The following ZNF600 variants were observed in gnomAD, a reference collection of about 807,000 sequenced individuals.
ZNF600 encodes the protein zinc finger protein 600, also known as zinc finger protein KR-ZNF1.
ZNF600 carries 4 observed loss-of-function variants against 7.3 expected under a neutral mutation model. That is an observed-to-expected ratio of 0.55 (90% CI 0.27 to 1.25). The LOEUF (loss-of-function observed/expected upper bound fraction) is 1.25, where lower values mean the gene tolerates loss of function less well. ZNF600 is among the 50% of genes most tolerant of loss of function. ZNF600 has a pLI of 0.12. For missense variants in ZNF600, 911 were observed against 922.1 expected (o/e 0.99, Z 0.16); for synonymous variants, 290 against 308.9 (o/e 0.94, Z 0.64).
the ZNF600 span, among the ~76,000 whole-genome samples, chr19:52,819,666 C>A: frequency 7.2e-6 from 1 of 139,290 alleles, no homozygotes; most frequent in Non-Finnish European, 1.5e-5. Flanking sequence ...TGCCTGAATT[C>A]TTACATGGGG....
chr19:52,802,092 A>G, the ZNF600 span, among the ~76,000 whole-genome samples: 1 of 152,264 alleles, frequency 6.6e-6, no homozygotes, highest in African/African-American at 2.4e-5. Context: ...TAAATGCTAA[A>G]GAACCACACA....
chr19:52,802,107 A>T, the ZNF600 span, among the ~76,000 whole-genome samples: 2 of 152,386 alleles, frequency 1.3e-5, no homozygotes, highest in East Asian at 3.9e-4. Context: ...CACACAATAT[A>T]CTATATTGGT....
exon 4 of ZNF600, chr19:52,766,461 T>C (rs1341192225): frequency 1.2e-6 from 2 of 1,614,088 alleles, no homozygotes; most frequent in South Asian, 1.1e-5. Context: ...AATTGACTTA[T>C]GAATTAGAAG....
the ZNF600 span, among the ~76,000 whole-genome samples, chr19:52,793,769 CACACACA>C: frequency 2.8e-4 from 1 of 3,606 alleles, no homozygotes; most frequent in Non-Finnish European, 4.5e-4. Context: ...CTCTGCCACA[CACACACA>C]CACACACACA....
At chr19:52,818,079 CT>C in the ZNF600 span, 396 of 1,495,418 alleles carry the variant, frequency 2.6e-4, 2 homozygotes, top group African/African-American at 5.1e-3. Flanking sequence ...AACACATCCC[CT>C]CCCTGTAACA....
At chr19:52,779,874 T>G (rs1389204977) in intron 1 of ZNF600, among the ~76,000 whole-genome samples, 2 of 152,036 alleles carry the variant, frequency 1.3e-5, no homozygotes, top group Non-Finnish European at 2.9e-5. Context: ...ACCACATGTC[T>G]ACTAAAAATA....
downstream of ZNF600, chr19:52,764,279 T>C (rs2062551244): frequency 1.3e-5 from 2 of 152,140 alleles, no homozygotes; most frequent in African/African-American, 2.4e-5. Flanking sequence ...GGCACGATTT[T>C]GCCTCACGGC....
upstream of ZNF600, among the ~76,000 whole-genome samples, chr19:52,790,609 C>G (rs1321756619): frequency 1.3e-5 from 2 of 151,622 alleles, no homozygotes; most frequent in Non-Finnish European, 2.9e-5. Context: ...GAGTTTCAGG[C>G]TGCTGTAAAC....
the ZNF600 span, among the ~76,000 whole-genome samples, chr19:52,816,481 G>A: frequency 3.4e-5 from 5 of 145,310 alleles, 1 homozygote; most frequent in East Asian, 2.0e-4. Context: ...TGGCTAACAC[G>A]GTGAAACCCC....
At chr19:52,787,257 C>T (rs2062772550), upstream of ZNF600, among the ~76,000 whole-genome samples, 1 of 151,738 alleles carries the variant, frequency 6.6e-6, no homozygotes, top group Non-Finnish European at 1.5e-5. Flanking sequence ...GGGATGCGGG[C>T]ACGAGGCGGA....
At chr19:52,775,650 G>T (rs184615711) in intron 2 of ZNF600, among the ~76,000 whole-genome samples, 1 of 152,290 alleles carries the variant, frequency 6.6e-6, no homozygotes, top group East Asian at 1.9e-4. Context: ...GATGAGCTAA[G>T]ATACAAGTGG....
the ZNF600 span, chr19:52,810,625 T>C: frequency 1.4e-6 from 2 of 1,434,022 alleles, no homozygotes; most frequent in Non-Finnish European, 2.0e-6. Context: ...CTGCTCTCCA[T>C]TCTACAGTGG....
chr19:52,790,050 C>G (rs908509734), upstream of ZNF600, among the ~76,000 whole-genome samples: 2 of 152,164 alleles, frequency 1.3e-5, no homozygotes, highest in Non-Finnish European at 2.9e-5. Context: ...AATGTCATCA[C>G]TTAAGGCAAG....
intron 3 of ZNF600, among the ~76,000 whole-genome samples, chr19:52,771,636 C>T (rs554587841): frequency 6.6e-6 from 1 of 152,146 alleles, no homozygotes; most frequent in Non-Finnish European, 1.5e-5. Context: ...TACCAACACA[C>T]CCAGCTAATT....
intron 2 of ZNF600, among the ~76,000 whole-genome samples, chr19:52,776,832 C>T (rs141362594): frequency 1.6e-3 from 247 of 152,188 alleles, no homozygotes; most frequent in East Asian, 0.011. Flanking sequence ...TTCATGCACA[C>T]ACATCACATC....
chr19:52,802,299 CA>C, the ZNF600 span, among the ~76,000 whole-genome samples: 1 of 152,056 alleles, frequency 6.6e-6, no homozygotes, highest in Non-Finnish European at 1.5e-5. Context: ...AAGCCAAAGG[CA>C]AAGGTTGCTG....
intron 2 of ZNF600, among the ~76,000 whole-genome samples, chr19:52,777,516 G>A (rs371844214): frequency 3.9e-5 from 6 of 151,994 alleles, no homozygotes; most frequent in African/African-American, 1.2e-4. Flanking sequence ...ACTCCAGCCT[G>A]GACAACAAAA....
the ZNF600 span, among the ~76,000 whole-genome samples, chr19:52,815,931 A>G: frequency 6.8e-6 from 1 of 147,474 alleles, no homozygotes; most frequent in Non-Finnish European, 1.5e-5. Context: ...AAACCTTCAC[A>G]TGTAGCCCCA....
At chr19:52,765,425 A>T in exon 4 of ZNF600, 2 of 1,123,800 alleles carry the variant, frequency 1.8e-6, no homozygotes, top group South Asian at 1.3e-5. Context: ...GACATTTGTA[A>T]GGTTTCTCTC....
Sources: allele counts gnomAD v4.1 joint callset (sites outside exome capture counted in the v4.1 genomes callset), GRCh38; gene constraint gnomAD v4.1.1; transcripts MANE v1.5; gene names NCBI Gene and HGNC (gene_info 2026-07-23, HGNC 2026-07-21).